PARD3B: variants seen among roughly 807,000 people sequenced by gnomAD.
PARD3B encodes partitioning defective 3 homolog B.
In PARD3B, 103 loss-of-function variants were observed where a neutral mutation model predicts 130.2. The ratio of observed to expected loss-of-function variants is 0.79; its 90% CI spans 0.67 to 0.93. The LOEUF (loss-of-function observed/expected upper bound fraction) is 0.93. Among genes scored for constraint, PARD3B ranks in the 40% least tolerant of loss-of-function variants. The pLI is 0.00. For synonymous variants in PARD3B, 583 were observed against 553.2 expected, an observed-to-expected ratio of 1.05 and a Z score of -0.76; for missense variants, 1,609 against 1,499.2, an observed-to-expected ratio of 1.07 and a Z score of -1.21.
chr2:205,112,878 T>A (rs1703739327), intron 5 of PARD3B, among the ~76,000 whole-genome samples: 1 of 152,136 alleles, frequency 6.6e-6, no homozygotes. Flanking sequence ...TTTACAAAAG[T>A]ATAGGAGGTG....
chr2:204,845,700 A>G (rs1195500794), intron 2 of PARD3B, among the ~76,000 whole-genome samples: 1 of 152,126 alleles, frequency 6.6e-6, no homozygotes, highest in Non-Finnish European at 1.5e-5. Flanking sequence ...ATAGGTTACA[A>G]GTGAATAGAC....
chr2:205,287,776 C>T lies in PARD3B; in HGVS notation c.2186-12754C>T, dbSNP rs567047921. Among the ~76,000 whole-genome samples the T allele has an allele frequency of 2.6e-5, 4 of 152,190 alleles. No homozygotes were observed. The highest frequency in any genetic ancestry group is 2.1e-4 in the South Asian group (1 of 4,810). On this transcript the variant is annotated intron_variant, in intron 16 of 22. Transcript: ENST00000406610. The surrounding 1 kb of genome is among the most constrained non-coding windows in gnomAD (Gnocchi z 4.8). ...GTGACACTCTTGCTGTTTCTCTGTGCGCTTCTCTGAGGTAGAGTAAAGCAA... is the reference window on the plus strand; with the variant it reads ...GTGACACTCTTGCTGTTTCTCTGTGTGCTTCTCTGAGGTAGAGTAAAGCAA...
intron 2 of PARD3B, among the ~76,000 whole-genome samples, chr2:204,918,629 C>CAAAAAAA (rs549430207): frequency 9.9e-6 from 1 of 101,214 alleles, no homozygotes; most frequent in Admixed American, 1.1e-4. Flanking sequence ...GACTCCGTCT[C>CAAAAAAA]AAAAAAAAAA....
At chr2:204,932,265 G>A (rs749326909) in intron 2 of PARD3B, among the ~76,000 whole-genome samples, 1 of 152,120 alleles carries the variant, frequency 6.6e-6, no homozygotes, top group Non-Finnish European at 1.5e-5. Flanking sequence ...TCTTGCCATA[G>A]TCTAGATTTT....
At chr2:205,282,372 T>C (rs1368649827) in intron 16 of PARD3B, among the ~76,000 whole-genome samples, 1 of 151,896 alleles carries the variant, frequency 6.6e-6, no homozygotes, top group Non-Finnish European at 1.5e-5. Context: ...CCTAGCCTTT[T>C]AAGAAGCCAG....
At chr2:205,427,649 A>G (rs1301579838) in intron 19 of PARD3B, among the ~76,000 whole-genome samples, 1 of 152,160 alleles carries the variant, frequency 6.6e-6, no homozygotes, top group East Asian at 1.9e-4. Flanking sequence ...TGGAGAAGAC[A>G]GAAATGAAAG....
intron 3 of PARD3B, among the ~76,000 whole-genome samples, chr2:204,979,573 A>AAGATAAGGACAGTGTAG (rs1408282004): frequency 2.6e-5 from 4 of 152,258 alleles, no homozygotes; most frequent in African/African-American, 9.6e-5. Flanking sequence ...CAACAAGTCA[A>AAGATAAGGACAGTGTAG]AGATAAGGAC....
chr2:204,655,665 C>T (rs376955500), intron 1 of PARD3B, among the ~76,000 whole-genome samples: 4 of 152,092 alleles, frequency 2.6e-5, no homozygotes, highest in African/African-American at 7.2e-5. Flanking sequence ...ATGTGATAAG[C>T]GCTAGCTGTG....
intron 4 of PARD3B, among the ~76,000 whole-genome samples, chr2:205,064,899 G>C (rs541788846): frequency 1.3e-5 from 2 of 152,158 alleles, no homozygotes; most frequent in Non-Finnish European, 2.9e-5. Flanking sequence ...GTTTCTCAAA[G>C]AGTTATCAAA....
intron 2 of PARD3B, among the ~76,000 whole-genome samples, chr2:204,717,710 T>A (rs745632991): frequency 6.6e-6 from 1 of 152,032 alleles, no homozygotes; most frequent in Admixed American, 6.5e-5. Context: ...CAGAGCCAAA[T>A]TGGGAACTAG....
At chr2:205,034,630 T>C (rs910313810) in intron 3 of PARD3B, among the ~76,000 whole-genome samples, 4 of 152,174 alleles carry the variant, frequency 2.6e-5, no homozygotes, top group African/African-American at 9.6e-5. Context: ...TGCAATGCTC[T>C]AACTACAAAA....
intron 18 of PARD3B, among the ~76,000 whole-genome samples, chr2:205,349,603 G>A (rs941688817): frequency 1.3e-4 from 19 of 151,968 alleles, no homozygotes; most frequent in Non-Finnish European, 2.1e-4. Context: ...TTATTTATTT[G>A]CATTTAAGAA....
chr2:204,772,175 A>G (rs2041415607), intron 2 of PARD3B, among the ~76,000 whole-genome samples: 1 of 152,082 alleles, frequency 6.6e-6, no homozygotes, highest in South Asian at 2.1e-4. Flanking sequence ...ATTTATATAT[A>G]ACTTAGTTTT....
At chr2:205,551,877 C>T (rs2052661088) in intron 21 of PARD3B, among the ~76,000 whole-genome samples, 1 of 152,134 alleles carries the variant, frequency 6.6e-6, no homozygotes, top group African/African-American at 2.4e-5. Flanking sequence ...CTCTTCCTTC[C>T]CACCTGATAG....
intron 2 of PARD3B, among the ~76,000 whole-genome samples, chr2:204,819,833 A>T (rs1290282815): frequency 6.6e-6 from 1 of 152,156 alleles, no homozygotes; most frequent in African/African-American, 2.4e-5. Context: ...TCTTAAGTCA[A>T]ATCCAGAGCA....
At chr2:205,318,506 C>T (rs2042636966) in intron 18 of PARD3B, among the ~76,000 whole-genome samples, 1 of 152,232 alleles carries the variant, frequency 6.6e-6, no homozygotes, top group South Asian at 2.1e-4. Flanking sequence ...GAACTTGCTA[C>T]CAGAATATTT....
At chr2:204,956,127 T>A (rs1322391979) in intron 2 of PARD3B, among the ~76,000 whole-genome samples, 1 of 152,196 alleles carries the variant, frequency 6.6e-6, no homozygotes, top group African/African-American at 2.4e-5. Context: ...TGTTGGAGAA[T>A]GATCTTTGCA....
intron 1 of PARD3B, among the ~76,000 whole-genome samples, chr2:204,637,032 G>A (rs1202297065): frequency 6.6e-6 from 1 of 151,954 alleles, no homozygotes; most frequent in African/African-American, 2.4e-5. Flanking sequence ...TAAAACTTTG[G>A]AAAATAAACA....
chr2:205,213,971 G>T (rs1023124818), intron 15 of PARD3B, among the ~76,000 whole-genome samples: 20 of 152,072 alleles, frequency 1.3e-4, no homozygotes, highest in African/African-American at 4.6e-4. Flanking sequence ...GAATTCACTT[G>T]CACCACAAGA....
Sources: allele counts gnomAD v4.1 joint callset (sites outside exome capture counted in the v4.1 genomes callset), GRCh38; gene constraint gnomAD v4.1.1; non-coding constraint Gnocchi (gnomAD v3.1); transcripts MANE v1.5; gene names NCBI Gene and HGNC (gene_info 2026-07-23, HGNC 2026-07-21).